The following KIAA1328 variants were observed in gnomAD, a reference collection of about 807,000 sequenced individuals.
KIAA1328 encodes the protein protein hinderin.
KIAA1328 carries 52 observed loss-of-function variants against 68.1 expected under a neutral mutation model. That is an observed-to-expected ratio of 0.76 (90% CI 0.61 to 0.96). The LOEUF is 0.96. Among genes scored for constraint, KIAA1328 ranks in the 40% least tolerant of loss-of-function variants. KIAA1328 has a pLI of 0.00. For missense variants in KIAA1328, 641 were observed against 677.6 expected, an observed-to-expected ratio of 0.95 and a Z score of 0.60; for synonymous variants, 232 against 239.4, an observed-to-expected ratio of 0.97 and a Z score of 0.28.
chr18:36,848,494 C>G (rs938050637), intron 4 of KIAA1328, among the ~76,000 whole-genome samples: 3 of 131,964 alleles, frequency 2.3e-5, no homozygotes, highest in Non-Finnish European at 4.7e-5. Flanking sequence ...AAGATGTCAT[C>G]TACAAGTAAA....
chr18:37,016,573 T>C (rs951726564), intron 6 of KIAA1328, among the ~76,000 whole-genome samples: 1 of 152,198 alleles, frequency 6.6e-6, no homozygotes, highest in African/African-American at 2.4e-5. Flanking sequence ...AGAAATCAAC[T>C]GTGAATCCAT....
chr18:37,156,426 CAAAAAAAAAA>C (rs769062667), intron 7 of KIAA1328, among the ~76,000 whole-genome samples: 2 of 36,120 alleles, frequency 5.5e-5, no homozygotes, highest in South Asian at 2.4e-3. Flanking sequence ...AACTCCGCCT[CAAAAAAAAAA>C]AAAAAAAAAA....
intron 7 of KIAA1328, among the ~76,000 whole-genome samples, chr18:37,078,277 T>A (rs1381939969): frequency 6.6e-6 from 1 of 152,218 alleles, no homozygotes; most frequent in Non-Finnish European, 1.5e-5. Context: ...GCTAGCCATA[T>A]GTAGAAAGCT....
Position 36,870,167 on chromosome 18 carries a change from G to C in KIAA1328, c.333-15390G>C, listed in dbSNP as rs1004575454. ...GTGAGCCCCTGTGCCCGGCCTGAAA[G>C]TGTTATTCTTACCATATAAATTTTC... On this transcript the variant is annotated intron_variant, in intron 4 of 9. Transcript: ENST00000280020. Among the ~76,000 whole-genome samples, 4 of 152,042 alleles carry C rather than the reference G, an allele frequency of 2.6e-5. No homozygotes were observed. The East Asian group carries it at 7.7e-4, about 29-fold the overall frequency.
intron 4 of KIAA1328, among the ~76,000 whole-genome samples, chr18:36,861,380 T>C (rs1241126588): frequency 6.6e-6 from 1 of 152,178 alleles, no homozygotes; most frequent in Non-Finnish European, 1.5e-5. Context: ...TGAAAAGTTA[T>C]TATTTTTCTC....
intron 1 of KIAA1328, among the ~76,000 whole-genome samples, chr18:36,830,704 A>G (rs1291883552): frequency 6.6e-6 from 1 of 152,180 alleles, no homozygotes; most frequent in Admixed American, 6.5e-5. Flanking sequence ...ATCACCCCCT[A>G]TTTTATGTAG....
intron 5 of KIAA1328, chr18:36,886,499 GGTGTGTGTGTGTGTGTGTGTTT>G (rs1012037644): frequency 2.0e-5 from 3 of 150,118 alleles, no homozygotes; most frequent in African/African-American, 7.3e-5. Flanking sequence ...GACCTAGAGG[GGTGTGTGTGTGTGTGTGTGTTT>G]GTGTGTGTGT....
intron 7 of KIAA1328, among the ~76,000 whole-genome samples, chr18:37,131,058 G>A (rs901869704): frequency 6.6e-6 from 1 of 152,152 alleles, no homozygotes; most frequent in African/African-American, 2.4e-5. Flanking sequence ...AATCACAATA[G>A]GGGTAGGGCC....
At chr18:36,914,884 C>A (rs2049622944) in intron 5 of KIAA1328, among the ~76,000 whole-genome samples, 1 of 152,046 alleles carries the variant, frequency 6.6e-6, no homozygotes, top group Non-Finnish European at 1.5e-5. Context: ...AATCTGTATG[C>A]TGAAAGCTAC....
rs568005498 is a variant in KIAA1328, at chr18:36,851,595, A to G, written c.332+7293A>G. On this transcript the variant is annotated intron_variant, in intron 4 of 9. Transcript: ENST00000280020. Reference sequence around the variant, plus strand: ...AGGTTATCTAATTTGTTGACATACAATTGTTCATAGTATTCTCTTATAATA... The same window carrying G: ...AGGTTATCTAATTTGTTGACATACAGTTGTTCATAGTATTCTCTTATAATA... Among the ~76,000 whole-genome samples the G allele has an allele frequency of 4.5e-4, 65 of 144,946 alleles. 1 individual carries two copies. The South Asian group carries it at 0.012, about 26-fold the overall frequency.
intron 6 of KIAA1328, among the ~76,000 whole-genome samples, chr18:37,027,401 C>T (rs947965027): frequency 2.0e-5 from 3 of 152,178 alleles, no homozygotes; most frequent in African/African-American, 7.2e-5. Context: ...AAAGAGCCCA[C>T]ATTGCCAAGT....
At chr18:37,052,038 T>C (rs1487917579) in intron 6 of KIAA1328, among the ~76,000 whole-genome samples, 2 of 143,682 alleles carry the variant, frequency 1.4e-5, no homozygotes, top group Admixed American at 6.9e-5. Context: ...CAAGACTACG[T>C]CTCAAAAAAA....
chr18:36,932,012 T>A (rs2050327743), intron 5 of KIAA1328, among the ~76,000 whole-genome samples: 1 of 151,298 alleles, frequency 6.6e-6, no homozygotes, highest in African/African-American at 2.5e-5. Context: ...GTACTTACAT[T>A]TAATGGCCTT....
intron 5 of KIAA1328, among the ~76,000 whole-genome samples, chr18:36,909,067 C>T (rs2049327670): frequency 6.6e-6 from 1 of 152,056 alleles, no homozygotes; most frequent in Admixed American, 6.6e-5. Context: ...TATATTTACC[C>T]TTCTGTTGAC....
At chr18:37,013,862 G>C (rs988594223) in intron 6 of KIAA1328, among the ~76,000 whole-genome samples, 2 of 152,198 alleles carry the variant, frequency 1.3e-5, no homozygotes, top group Non-Finnish European at 2.9e-5. Flanking sequence ...TACATACCCA[G>C]TAATGGGATT....
chr18:36,952,364 T>A (rs1208778916), intron 5 of KIAA1328, among the ~76,000 whole-genome samples: 8 of 152,228 alleles, frequency 5.3e-5, no homozygotes, highest in African/African-American at 1.9e-4. Context: ...GAACATGTTA[T>A]CCTTATTTGT....
At chr18:37,114,547 A>G (rs2151912549) in intron 7 of KIAA1328, among the ~76,000 whole-genome samples, 1 of 152,344 alleles carries the variant, frequency 6.6e-6, no homozygotes, top group African/African-American at 2.4e-5. Flanking sequence ...AATGCCCACA[A>G]GAGAAAGCAG....
intron 5 of KIAA1328, among the ~76,000 whole-genome samples, chr18:36,932,539 T>C (rs1475995206): frequency 6.6e-6 from 1 of 152,218 alleles, no homozygotes; most frequent in Non-Finnish European, 1.5e-5. Context: ...TTTATTTAAG[T>C]ATTTCCATAA....
intron 7 of KIAA1328, among the ~76,000 whole-genome samples, chr18:37,139,563 C>T (rs534011921): frequency 5.1e-4 from 78 of 152,226 alleles, no homozygotes; most frequent in South Asian, 1.0e-3. Flanking sequence ...TCACTTAGCA[C>T]ATCAGTAGAT....
Sources: gnomAD v4.1 joint callset for allele counts (sites outside exome capture counted in the v4.1 genomes callset) on GRCh38, gnomAD v4.1.1 for gene constraint, MANE v1.5 for transcripts, NCBI Gene and HGNC (gene_info 2026-07-23, HGNC 2026-07-21) for gene names.